VGF: variants seen among roughly 807,000 people sequenced by gnomAD.
VGF encodes VGF nerve growth factor inducible.
A neutral mutation model predicts 41.1 loss-of-function variants in VGF; 13 were observed. That is an observed-to-expected ratio of 0.32 (90% confidence interval 0.21 to 0.50). The LOEUF is 0.50. Among genes scored for constraint, VGF ranks in the 20% least tolerant of loss-of-function variants. The probability of loss-of-function intolerance (pLI) is 0.98; values close to 1 mark genes in which losing one functional copy is unlikely to be tolerated. For synonymous variants in VGF, 473 were observed against 418.3 expected, an observed-to-expected ratio of 1.13 and a Z score of -1.60; for missense variants, 920 against 882.1, an observed-to-expected ratio of 1.04 and a Z score of -0.54.
Position 101,163,145 on chromosome 7 carries a change from G to C in VGF, c.1699C>G (p.His567Asp). ...TGGCGCGAAGGCGGCAAGGCGTGGT[G>C]GTAGTGGCGGCGGCGCAAGGCCGAG... ...PPSALRRRHYHHALPPSRHYP... is the reference protein window; with the variant it reads ...PPSALRRRHYDHALPPSRHYP... Residue 567 changes from histidine (H) to aspartate (D), a missense_variant, in exon 2 of 2, where the codon CAC becomes GAC. Around this residue, in one of 3 missense-constraint regions of VGF, gnomAD observed 257 missense variants for 217.2 expected, o/e 1.18. Coordinates refer to ENST00000249330, the MANE Select transcript of VGF (RefSeq NM_003378.4). The surrounding 1 kb of genome is among the most constrained non-coding windows in gnomAD (Gnocchi z 5.0). The C allele has an allele frequency of 6.3e-7, 1 of 1,582,528 alleles. No individual in the cohort carries two copies. Among genetic ancestry groups the C allele is most frequent in the Non-Finnish European group, 8.6e-7 (1 of 1,168,270 alleles).
chr7:101,166,540 C>T (rs1271098904), upstream of VGF, among the ~76,000 whole-genome samples: 17 of 147,846 alleles, frequency 1.1e-4, no homozygotes, highest in Admixed American at 9.4e-4. Context: ...TCAACTCCAG[C>T]TCTCTCCACC....
chr7:101,165,029 C>T, intron 1 of VGF, 166 bp from the exon 2 acceptor site: 1 of 1,327,286 alleles, frequency 7.5e-7, no homozygotes, highest in Non-Finnish European at 9.6e-7. Flanking sequence ...GATGTTGTGC[C>T]GATCTCTGGA....
At chr7:101,168,016 TTTG>T (rs1412946921), upstream of VGF, among the ~76,000 whole-genome samples, 228 of 98,914 alleles carry the variant, frequency 2.3e-3, 3 homozygotes, top group South Asian at 9.5e-3. Context: ...GTTGTTTTTT[TTTG>T]TTTTTTTTTT....
In VGF at chr7:101,164,335, C is replaced by T; in HGVS notation, c.509G>A (p.Ser170Asn). The T allele has an allele frequency of 6.2e-7, 1 of 1,611,784 alleles. No homozygotes were observed. The highest frequency in any genetic ancestry group is 2.2e-5 in the East Asian group (1 of 44,872). ...CTGCTGGCGCTTGGCGCTACTTGGA[C>T]TGAAATCTCGCAGTTCCTGGAGCAG... ...ASLLQELRDF[S>N]PSSAKRQQET... is the part of the protein sequence containing the mutation. Residue 170 changes from serine (S) to asparagine (N), a missense_variant, in exon 2 of 2, where the codon AGT becomes AAT. Coordinates refer to ENST00000249330, the MANE Select transcript of VGF (RefSeq NM_003378.4).
In VGF at chr7:101,164,347, A is replaced by G; in HGVS notation, c.497T>C (p.Leu166Pro). ...GGCGCTACTTGGACTGAAATCTCGCAGTTCCTGGAGCAGGGACGCTAGCGC... is the reference window on the plus strand; with the variant it reads ...GGCGCTACTTGGACTGAAATCTCGCGGTTCCTGGAGCAGGGACGCTAGCGC... Reference protein sequence around the residue: ...LEALASLLQELRDFSPSSAKR... With the variant: ...LEALASLLQEPRDFSPSSAKR... Residue 166 changes from leucine to proline, a missense_variant, in exon 2 of 2, where the codon CTG becomes CCG. Physicochemically the swap from Leu to Pro is moderately conservative, Grantham distance 98. This residue lies in a region of VGF where 654 missense variants were observed against 638.4 expected (regional missense o/e 1.02). Transcript: ENST00000249330. 6.2e-7 allele frequency: 1 copy of G among 1,611,938 alleles called. No individual in the cohort carries two copies. The highest frequency in any genetic ancestry group is 8.5e-7 in the Non-Finnish European group (1 of 1,179,898).
At chr7:101,167,984 C>T (rs763830555), upstream of VGF, among the ~76,000 whole-genome samples, 2 of 148,836 alleles carry the variant, frequency 1.3e-5, no homozygotes, top group Non-Finnish European at 3.0e-5. This position sits in a 1 kb window ranked among gnomAD's most constrained non-coding sequence, Gnocchi z 4.2. Flanking sequence ...TGTGTGTGCA[C>T]GCGCGCGTGT....
upstream of VGF, among the ~76,000 whole-genome samples, chr7:101,166,520 G>GC (rs1014600816): frequency 1.3e-5 from 2 of 150,802 alleles, no homozygotes; most frequent in African/African-American, 4.9e-5. Flanking sequence ...GCAGGTGGGG[G>GC]GGGGGTGACT....
rs566587697 is a variant in VGF at position 101,165,328 on chromosome 7, A to T, written c.-21+46T>A. On this transcript the variant is annotated intron_variant, in intron 1 of 1. Transcript: ENST00000249330. Reference sequence around the variant, plus strand: ...GGAGAGAGAACCCTCCCTCACGCCCACGGCTGGCTGCCGAGGGTTTGAGGG... The same window carrying T: ...GGAGAGAGAACCCTCCCTCACGCCCTCGGCTGGCTGCCGAGGGTTTGAGGG... 2,758 of 984,902 alleles carry T rather than the reference A, an allele frequency of 2.8e-3. 5 individuals carry two copies. Among genetic ancestry groups the T allele is most frequent in the Non-Finnish European group, 3.0e-3 (2,510 of 829,930 alleles). The allele number at this position is 984,902 out of a possible 1,614,324, so 61.0% of individuals were successfully genotyped here. A position where few individuals can be genotyped will look rare whatever the true frequency, so the allele number is the denominator to read the frequency against.
Position 101,163,769 on chromosome 7 carries a change from C to T in VGF, c.1075G>A (p.Glu359Lys), listed in dbSNP as rs1232371278. ...RGLQEAAEER[E>K]SAREEEEAEQ... Reference sequence around the variant, plus strand: ...GCCTCCTCCTCCTCCCTTGCACTCTCTCGCTCCTCCGCCGCCTCCTGCAGC... The same window carrying T: ...GCCTCCTCCTCCTCCCTTGCACTCTTTCGCTCCTCCGCCGCCTCCTGCAGC... The change falls in exon 2 of 2, where the codon GAG becomes AAG. Residue 359 changes from glutamate (E) to lysine (K), a missense_variant. Transcript: ENST00000249330. The surrounding 1 kb of genome is among the most constrained non-coding windows in gnomAD (Gnocchi z 5.0). 6.5e-7 allele frequency: 1 copy of T among 1,530,854 alleles called. No homozygotes were observed. 94.8% of individuals were successfully genotyped at this position (1,530,854 alleles called of 1,614,324 possible). A position where few individuals can be genotyped will look rare whatever the true frequency, so the allele number is the denominator to read the frequency against.
At position 101,163,848 on chromosome 7, in the gene VGF, C is replaced by A; in HGVS notation, c.996G>T (p.Leu332=). 1 of 1,522,888 alleles carries A rather than the reference C, an allele frequency of 6.6e-7. No homozygotes were observed. Among genetic ancestry groups the A allele is most frequent in the Non-Finnish European group, 8.8e-7 (1 of 1,141,780 alleles). 94.3% of individuals were successfully genotyped at this position (1,522,888 alleles called of 1,614,324 possible). Residue 332 remains leucine (L), a synonymous_variant, in exon 2 of 2, where the codon CTG becomes CTT. Transcript: ENST00000249330. The surrounding 1 kb of genome is among the most constrained non-coding windows in gnomAD (Gnocchi z 5.0). The part of the protein sequence containing the change: ...ERLADLASDL[L]LQYLLQGGAR... ...CCCCGCCCTGCAGCAAATACTGGAG[C>A]AGCAGGTCCGAGGCGAGGTCGGCCA...
rs765837483 is a variant in VGF at position 101,163,124 on chromosome 7, G to C, written c.1720C>G (p.Arg574Gly). 3.2e-6 allele frequency: 5 copies of C among 1,584,344 alleles called. No individual in the cohort carries two copies. In the African/African-American group the frequency reaches 5.6e-5, roughly 18 times the overall value. The change falls in exon 2 of 2, where the codon CGC becomes GGC. Residue 574 changes from arginine (R) to glycine (G), a missense_variant. Physicochemically the swap from Arg to Gly is moderately radical, Grantham distance 125. This residue lies in a region of VGF where 257 missense variants were observed against 217.2 expected (regional missense o/e 1.18). Transcript: ENST00000249330. The surrounding 1 kb of genome is among the most constrained non-coding windows in gnomAD (Gnocchi z 5.0). ...TGGGCCTCCCGGCCGGGATAGTGGCGCGAAGGCGGCAAGGCGTGGTGGTAG... is the reference window on the plus strand; with the variant it reads ...TGGGCCTCCCGGCCGGGATAGTGGCCCGAAGGCGGCAAGGCGTGGTGGTAG... The part of the protein sequence containing the change: ...RHYHHALPPS[R>G]HYPGREAQAR...
upstream of VGF, among the ~76,000 whole-genome samples, chr7:101,167,988 C>T (rs554221986): frequency 1.1e-3 from 165 of 146,774 alleles, no homozygotes; most frequent in Non-Finnish European, 1.8e-3. The surrounding 1 kb of genome is among the most constrained non-coding windows in gnomAD (Gnocchi z 4.2). Flanking sequence ...TGTGCACGCG[C>T]GCGTGTGTGT....
At position 101,164,458 on chromosome 7, in the gene VGF, G is replaced by T; in HGVS notation, c.386C>A (p.Pro129Gln). 1 of 1,603,176 alleles carries T rather than the reference G, an allele frequency of 6.2e-7. No individual in the cohort carries two copies. Among genetic ancestry groups the T allele is most frequent in the Non-Finnish European group, 8.5e-7 (1 of 1,178,210 alleles). Residue 129 changes from proline (P) to glutamine (Q), a missense_variant, in exon 2 of 2, where the codon CCG becomes CAG. Coordinates refer to ENST00000249330, the MANE Select transcript of VGF (RefSeq NM_003378.4). ...VRSQTHSLPA[P>Q]ESPEPAAPPR... ...CGGAGCCGCGGGCTCCGGGCTCTCC[G>T]GCGCCGGGAGGCTGTGGGTCTGGCT...
chr7:101,165,197 G>A, intron 1 of VGF, 177 bp downstream of exon 1: 1 of 1,022,534 alleles, frequency 9.8e-7, no homozygotes, highest in Non-Finnish European at 1.2e-6. Flanking sequence ...CTCCCCGGAT[G>A]GTGCGTGGGC....
At chr7:101,166,425 C>G (rs1012935952), upstream of VGF, among the ~76,000 whole-genome samples, 1 of 152,040 alleles carries the variant, frequency 6.6e-6, no homozygotes, top group Non-Finnish European at 1.5e-5. Context: ...TCTTCCCACA[C>G]TCCCCCAGTC....
intron 1 of VGF, 140 bp downstream of exon 1, chr7:101,165,234 C>T (rs1584213841): frequency 1.0e-6 from 1 of 997,072 alleles, no homozygotes. Flanking sequence ...GAAAAAGCTG[C>T]GACTCCCCCG....
chr7:101,165,161 A>G lies in VGF; in HGVS notation c.-21+213T>C, dbSNP rs942255842. ...AAGCAGCAGCAATATGGGGGAAAAA[A>G]AAATCTCTGCTCCCTCCCCGTAGGA... On this transcript the variant is annotated intron_variant, in intron 1 of 1. Transcript: ENST00000249330. 8.3e-6 allele frequency: 9 copies of G among 1,080,504 alleles called. No individual in the cohort carries two copies. The African/African-American group carries it at 9.9e-5, about 12-fold the overall frequency. The allele number at this position is 1,080,504 out of a possible 1,614,324, so 66.9% of individuals were successfully genotyped here.
chr7:101,163,440 G>T lies in VGF; in HGVS notation c.1404C>A (p.Asp468Glu), dbSNP rs1797152208. The change falls in exon 2 of 2, where the codon GAC (aspartate) becomes GAA (glutamate). Residue 468 changes from aspartate to glutamate, a missense_variant. By Grantham distance (45) the Asp-to-Glu change is conservative. Coordinates refer to ENST00000249330, the MANE Select transcript of VGF (RefSeq NM_003378.4). This position sits in a 1 kb window ranked among gnomAD's most constrained non-coding sequence, Gnocchi z 5.0. ...CCACCTCCTCGATGATGCTGACCAC[G>T]TCGTCCGCTGGCAGGTGGAGTTTGG... ...LSTKLHLPAD[D>E]VVSIIEEVEE... The T allele has an allele frequency of 1.2e-6, 2 of 1,612,248 alleles. No homozygotes were observed. The highest frequency in any genetic ancestry group is 2.2e-5 in the South Asian group (2 of 91,078).
upstream of VGF, among the ~76,000 whole-genome samples, chr7:101,168,409 C>T (rs965371713): frequency 7.9e-5 from 12 of 152,172 alleles, no homozygotes; most frequent in African/African-American, 2.9e-4. Flanking sequence ...CTCATTCACA[C>T]ACTACTCGCC....
Sources: allele counts gnomAD v4.1 joint callset (sites outside exome capture counted in the v4.1 genomes callset), GRCh38; gene constraint gnomAD v4.1.1; regional missense constraint gnomAD v4.1.1; non-coding constraint Gnocchi (gnomAD v3.1); transcripts MANE v1.5; gene names NCBI Gene and HGNC (gene_info 2026-07-23, HGNC 2026-07-21).